CCDC141: variants seen among roughly 807,000 people sequenced by gnomAD.
The protein encoded by CCDC141 is coiled-coil domain containing 141.
CCDC141 carries 168 observed loss-of-function variants against 181.0 expected under a neutral mutation model. The ratio of observed to expected loss-of-function variants is 0.93; its 90% confidence interval spans 0.82 to 1.05. The LOEUF (loss-of-function observed/expected upper bound fraction) is 1.05, where lower values mean the gene tolerates loss of function less well. Ranked by LOEUF, CCDC141 falls within the 50% of genes least tolerant of loss-of-function variation. The pLI, the probability that CCDC141 is intolerant of heterozygous loss-of-function variation, is 0.00. For synonymous variants in CCDC141, 666 were observed against 642.3 expected (o/e 1.04, Z -0.56); for missense variants, 1,902 against 1,788.5 (o/e 1.06, Z -1.14).
intron 4 of CCDC141, among the ~76,000 whole-genome samples, chr2:178,963,422 TG>T (rs2057180200): frequency 2.6e-5 from 4 of 152,106 alleles, no homozygotes; most frequent in Admixed American, 2.0e-4. Flanking sequence ...TGTTTTTTTT[TG>T]TTTTTTTCAG....
intron 2 of CCDC141, among the ~76,000 whole-genome samples, chr2:179,021,375 C>A (rs541135058): frequency 6.6e-6 from 1 of 152,112 alleles, no homozygotes; most frequent in East Asian, 1.9e-4. Context: ...ATAGGCTGCC[C>A]CTAATCCAAA....
rs570341739 is a variant in CCDC141 at position 178,854,380 on chromosome 2, C to T, written c.3061-756G>A. Reference sequence around the variant, plus strand: ...TCTACTAAAAGTACAAAAAAGTAGCCGGGCGTGGTGGTGGGCGCCTGTAGT... The same window carrying T: ...TCTACTAAAAGTACAAAAAAGTAGCTGGGCGTGGTGGTGGGCGCCTGTAGT... On this transcript the variant is annotated intron_variant, in intron 19 of 23. Transcript: ENST00000443758. Among the ~76,000 whole-genome samples the T allele has an allele frequency of 1.6e-4, 24 of 151,996 alleles. No individual in the cohort carries two copies. The East Asian group carries it at 4.3e-3, about 27-fold the overall frequency.
chr2:178,950,110 G>C lies in CCDC141; in HGVS notation c.781-5459C>G, dbSNP rs553889939. Among the ~76,000 whole-genome samples, 4 of 152,288 alleles carry C rather than the reference G, an allele frequency of 2.6e-5. No homozygotes were observed. In the South Asian group the frequency reaches 8.3e-4, roughly 32 times the overall value. ...ATTACTTTCATTTTCTTTTCCATGT[G>C]CAGAACTTGCTGAATAACCAGGTTC... On this transcript the variant is annotated intron_variant, in intron 5 of 23. Coordinates refer to ENST00000443758, the MANE Select transcript of CCDC141 (RefSeq NM_173648.4).
At chr2:179,010,519 A>G (rs996916976) in intron 2 of CCDC141, among the ~76,000 whole-genome samples, 1 of 152,146 alleles carries the variant, frequency 6.6e-6, no homozygotes, top group African/African-American at 2.4e-5. Flanking sequence ...CAAAACAATT[A>G]TCAGCCAAGA....
chr2:178,934,518 C>A (rs1031833155), intron 6 of CCDC141, among the ~76,000 whole-genome samples: 11 of 152,094 alleles, frequency 7.2e-5, no homozygotes, highest in African/African-American at 2.4e-4. Context: ...AAAGAATTTT[C>A]ATATTCGGTA....
intron 2 of CCDC141, among the ~76,000 whole-genome samples, chr2:178,981,452 ATACCACAATATTT>A: frequency 6.6e-6 from 1 of 151,800 alleles, no homozygotes; most frequent in East Asian, 1.9e-4. Context: ...ATAGCCAAAA[ATACCACAATATTT>A]TAATATTAAA....
intron 2 of CCDC141, among the ~76,000 whole-genome samples, chr2:179,026,785 G>T (rs962111398): frequency 2.0e-5 from 3 of 152,232 alleles, no homozygotes; most frequent in African/African-American, 7.2e-5. Context: ...GGGTGGAGCT[G>T]CCAAAGACCA....
intron 6 of CCDC141, among the ~76,000 whole-genome samples, chr2:178,933,116 G>A (rs1174759648): frequency 6.6e-6 from 1 of 152,152 alleles, no homozygotes; most frequent in African/African-American, 2.4e-5. Flanking sequence ...ATGATGAATT[G>A]TGGAAGATGG....
intron 7 of CCDC141, among the ~76,000 whole-genome samples, chr2:178,907,613 T>A (rs1688028806): frequency 6.6e-6 from 1 of 152,218 alleles, no homozygotes; most frequent in South Asian, 2.1e-4. Flanking sequence ...TTAAAGAAAC[T>A]TTGAACTTGA....
rs768851163 is a variant in CCDC141, at chr2:179,010,015, T to C, written c.226-31340A>G. On this transcript the variant is annotated intron_variant, in intron 2 of 23. Coordinates refer to ENST00000443758, the MANE Select transcript of CCDC141 (RefSeq NM_173648.4). ...TAGAAATGTGAAATCCTCTGGAAAG[T>C]CACAAAATAGAATTGAACATGTAGA... Among the ~76,000 whole-genome samples, 21 of 152,102 alleles carry C rather than the reference T, an allele frequency of 1.4e-4. 1 individual carries two copies. Among genetic ancestry groups the C allele is most frequent in the Admixed American group, 5.9e-4 (9 of 15,282 alleles).
intron 6 of CCDC141, among the ~76,000 whole-genome samples, chr2:178,930,942 A>G (rs943630606): frequency 1.3e-5 from 2 of 152,192 alleles, no homozygotes; most frequent in African/African-American, 4.8e-5. Flanking sequence ...CAAAAAATTT[A>G]AGATAGATAA....
intron 4 of CCDC141, among the ~76,000 whole-genome samples, chr2:178,963,355 T>C (rs1263932591): frequency 9.2e-5 from 14 of 151,990 alleles, no homozygotes; most frequent in Non-Finnish European, 1.8e-4. Flanking sequence ...CATTTGTTAT[T>C]AGAAGAAAAG....
intron 2 of CCDC141, among the ~76,000 whole-genome samples, chr2:179,007,245 G>A (rs2042144399): frequency 6.6e-6 from 1 of 152,200 alleles, no homozygotes; most frequent in South Asian, 2.1e-4. Context: ...GACTGTCCAT[G>A]AGCTGGAGAG....
chr2:179,010,226 T>G (rs571411990), intron 2 of CCDC141, among the ~76,000 whole-genome samples: 1 of 152,248 alleles, frequency 6.6e-6, no homozygotes, highest in South Asian at 2.1e-4. Flanking sequence ...GAAGACATAT[T>G]TGGGGGAATA....
At chr2:179,047,770 G>C (rs1481613190) in intron 1 of CCDC141, among the ~76,000 whole-genome samples, 1 of 152,164 alleles carries the variant, frequency 6.6e-6, no homozygotes. Flanking sequence ...TCACAAAACT[G>C]AACTCAATAA....
At position 179,050,057 on chromosome 2, in the gene CCDC141, A is replaced by G. The variant is rs1240742046; in HGVS notation, c.-116T>C. 6.9e-7 allele frequency: 1 copy of G among 1,458,094 alleles called. No individual in the cohort carries two copies. Among genetic ancestry groups the G allele is most frequent in the Non-Finnish European group, 9.2e-7 (1 of 1,089,530 alleles). The allele number at this position is 1,458,094 out of a possible 1,614,324, so 90.3% of individuals were successfully genotyped here. On this transcript the variant is annotated 5_prime_UTR_variant, in exon 1 of 24. Coordinates refer to ENST00000443758, the MANE Select transcript of CCDC141 (RefSeq NM_173648.4). ...CATTCAGGGAAAGAGCTCAGCTCAC[A>G]CTGATTACTCTGCCAAAAGGAAAGA...
rs138619193 is a variant in CCDC141, at chr2:178,995,685, G to T, written c.226-17010C>A. On this transcript the variant is annotated intron_variant, in intron 2 of 23. Transcript: ENST00000443758. ...AGGAAGATTGGGTAGAAACGGCAATGAATATCCACTAAGAGATAGATGAGT... is the reference window on the plus strand; with the variant it reads ...AGGAAGATTGGGTAGAAACGGCAATTAATATCCACTAAGAGATAGATGAGT... 4.4e-3 allele frequency among the ~76,000 whole-genome samples: 675 copies of T among 152,318 alleles called. 1 individual carries two copies. Among genetic ancestry groups the T allele is most frequent in the African/African-American group, 0.016 (655 of 41,582 alleles).
intron 5 of CCDC141, among the ~76,000 whole-genome samples, chr2:178,958,114 G>A (rs1690236027): frequency 6.6e-6 from 1 of 152,186 alleles, no homozygotes; most frequent in Non-Finnish European, 1.5e-5. Context: ...AAAGATTAGT[G>A]TTTACCAGGG....
intron 7 of CCDC141, among the ~76,000 whole-genome samples, chr2:178,910,438 A>T (rs1284817275): frequency 6.6e-6 from 1 of 152,112 alleles, no homozygotes; most frequent in Non-Finnish European, 1.5e-5. Flanking sequence ...AAAACACAAA[A>T]CTCAGCTAAG....
Sources: allele counts gnomAD v4.1 joint callset (sites outside exome capture counted in the v4.1 genomes callset), GRCh38; gene constraint gnomAD v4.1.1; transcripts MANE v1.5; gene names NCBI Gene and HGNC (gene_info 2026-07-23, HGNC 2026-07-21).